The following UTP20 variants were observed in gnomAD, a reference collection of about 807,000 sequenced individuals.
UTP20 encodes UTP20 small subunit processome component, also known as small subunit processome component 20 homolog.
In UTP20, 164 loss-of-function variants were observed where a neutral mutation model predicts 329.5. The observed-to-expected ratio is 0.50, with a 90% CI of 0.44 to 0.57. The LOEUF is 0.57. Ranked by LOEUF, UTP20 falls within the 20% of genes least tolerant of loss-of-function variation. UTP20 has a pLI of 0.00. For synonymous variants in UTP20, 1,151 were observed against 1,159.3 expected (o/e 0.99, Z 0.14); for missense variants, 3,055 against 3,284.2 (o/e 0.93, Z 1.71).
intron 43 of UTP20, among the ~76,000 whole-genome samples, chr12:101,358,541 T>C (rs1181553621): frequency 6.6e-6 from 1 of 152,188 alleles, no homozygotes; most frequent in Non-Finnish European, 1.5e-5. Context: ...CCTTTAGCAA[T>C]GTGGTGGAGC....
In UTP20 at chr12:101,383,669, G is replaced by A. The variant is rs1341213386; in HGVS notation, c.8056G>A (p.Asp2686Asn). Residue 2686 changes from aspartate to asparagine, a missense_variant and splice_region_variant, in exon 60 of 62, where the codon GAT becomes AAT. Around this residue, in one of 3 missense-constraint regions of UTP20, gnomAD observed 337 missense variants for 345.5 expected, o/e 0.98. Transcript: ENST00000261637. ...RELNSTYSEQ[D>N]PLLKNLSQEI... ...ACTCAACAGCACCTATTCAGAGCAA[G>A]GTAACCCTGCCTCGTCTGTTCTCCT... The A allele has an allele frequency of 3.1e-6, 5 of 1,596,042 alleles. No homozygotes were observed. Among genetic ancestry groups the A allele is most frequent in the South Asian group, 1.1e-5 (1 of 88,180 alleles).
At chr12:101,312,426 T>G in intron 21 of UTP20, 150 bp downstream of exon 21, 1 of 1,226,550 alleles carries the variant, frequency 8.2e-7, no homozygotes, top group Non-Finnish European at 1.1e-6. Context: ...ATTTTTTGTT[T>G]GTTTGTTTTT....
At chr12:101,370,905 T>C (rs1265248141) in intron 50 of UTP20, among the ~76,000 whole-genome samples, 153 bp from the exon 51 acceptor site, 1 of 152,240 alleles carries the variant, frequency 6.6e-6, no homozygotes, top group Non-Finnish European at 1.5e-5. Flanking sequence ...TTAAGGGTTG[T>C]GTGTTCTTTG....
intron 2 of UTP20, among the ~76,000 whole-genome samples, chr12:101,285,123 G>T (rs1247756709): frequency 1.3e-5 from 2 of 152,020 alleles, no homozygotes; most frequent in Non-Finnish European, 2.9e-5. Flanking sequence ...TTACTTAAAG[G>T]CTTGCAAACT....
At chr12:101,294,429 C>T (rs1872277887) in intron 11 of UTP20, among the ~76,000 whole-genome samples, 1 of 152,128 alleles carries the variant, frequency 6.6e-6, no homozygotes, top group Non-Finnish European at 1.5e-5. Context: ...ACCTCTCATG[C>T]TCCCAATAGA....
chr12:101,336,810 G>A (rs1868947721), intron 29 of UTP20, among the ~76,000 whole-genome samples: 2 of 152,198 alleles, frequency 1.3e-5, no homozygotes, highest in African/African-American at 4.8e-5. Context: ...CTGAGTGATT[G>A]GAATTGCTGA....
chr12:101,324,840 C>T (rs1868502057), intron 25 of UTP20, among the ~76,000 whole-genome samples: 1 of 151,950 alleles, frequency 6.6e-6, no homozygotes, highest in Non-Finnish European at 1.5e-5. Flanking sequence ...CAAATCATTC[C>T]TTTTTTGTAG....
rs1339409026 is a variant in UTP20 at position 101,372,982 on chromosome 12, C to T, written c.6878+19C>T. 13 of 1,605,644 alleles carry T rather than the reference C, an allele frequency of 8.1e-6. No individual in the cohort carries two copies. Among genetic ancestry groups the T allele is most frequent in the Non-Finnish European group, 1.0e-5 (12 of 1,172,332 alleles). ...AACTGAAGTAAGCTTAAGCTATTAACTACACAGGGGCGGAGGGTAGTTTCT... is the reference window on the plus strand; with the variant it reads ...AACTGAAGTAAGCTTAAGCTATTAATTACACAGGGGCGGAGGGTAGTTTCT... On this transcript the variant is annotated intron_variant, in intron 52 of 61. Transcript: ENST00000261637.
At chr12:101,281,527 T>C (rs899235252) in intron 2 of UTP20, among the ~76,000 whole-genome samples, 2 of 152,192 alleles carry the variant, frequency 1.3e-5, no homozygotes, top group Non-Finnish European at 2.9e-5. Context: ...CTTTCCCTTA[T>C]GCATTCCAAG....
At chr12:101,308,108 T>C in intron 17 of UTP20, 77 bp from the exon 18 acceptor site, 1 of 1,304,028 alleles carries the variant, frequency 7.7e-7, no homozygotes, top group Non-Finnish European at 1.0e-6. Flanking sequence ...TTTTTAGACC[T>C]TTGGTCACAT....
chr12:101,337,444 G>T (rs924775603), intron 29 of UTP20, among the ~76,000 whole-genome samples: 1 of 152,172 alleles, frequency 6.6e-6, no homozygotes, highest in African/African-American at 2.4e-5. Flanking sequence ...GAAAGCCTTT[G>T]TCTCTCTGCC....
chr12:101,372,099 A>G (rs1870312643), intron 51 of UTP20, among the ~76,000 whole-genome samples: 1 of 152,232 alleles, frequency 6.6e-6, no homozygotes, highest in Non-Finnish European at 1.5e-5. Flanking sequence ...GCTGCTATTA[A>G]GCACTAGCTG....
chr12:101,335,228 T>A (rs1868896980), intron 29 of UTP20, among the ~76,000 whole-genome samples: 1 of 150,852 alleles, frequency 6.6e-6, no homozygotes, highest in Non-Finnish European at 1.5e-5. Flanking sequence ...TAAAATAACA[T>A]CTTGCAAAGT....
chr12:101,346,615 G>C (rs1869334464), intron 38 of UTP20, 27 bp downstream of exon 38: 5 of 1,552,880 alleles, frequency 3.2e-6, no homozygotes, highest in Non-Finnish European at 4.3e-6. Context: ...AGAAACCAAG[G>C]ACCCTCTTCC....
At chr12:101,350,211 G>A (rs1869471466) in intron 38 of UTP20, among the ~76,000 whole-genome samples, 1 of 152,088 alleles carries the variant, frequency 6.6e-6, no homozygotes, top group Admixed American at 6.5e-5. Context: ...CTGTCTCCCA[G>A]GCTGGAGTGC....
intron 2 of UTP20, among the ~76,000 whole-genome samples, chr12:101,282,799 G>C (rs1035561626): frequency 2.0e-5 from 3 of 152,294 alleles, no homozygotes; most frequent in South Asian, 2.1e-4. Context: ...GTGAGGATTT[G>C]ACTGTTATCT....
At chr12:101,370,612 C>G in intron 50 of UTP20, 49 bp downstream of exon 50, 2 of 1,576,234 alleles carry the variant, frequency 1.3e-6, no homozygotes, top group Non-Finnish European at 1.7e-6. Context: ...AGTTTCACAG[C>G]AGATATTTTG....
At chr12:101,356,802 T>C (rs1338171684) in intron 42 of UTP20, 109 bp downstream of exon 42, 1 of 1,488,028 alleles carries the variant, frequency 6.7e-7, no homozygotes, top group African/African-American at 1.4e-5. Context: ...TGTCATAACT[T>C]GCTGTGGTTT....
At chr12:101,343,456 C>A (rs561679988) in intron 35 of UTP20, among the ~76,000 whole-genome samples, 1 of 152,248 alleles carries the variant, frequency 6.6e-6, no homozygotes, top group African/African-American at 2.4e-5. Flanking sequence ...TGAAAATGTT[C>A]TGGAATTAGT....
Sources: gnomAD v4.1 joint callset for allele counts (sites outside exome capture counted in the v4.1 genomes callset) on GRCh38, gnomAD v4.1.1 for gene constraint, gnomAD v4.1.1 regional missense constraint, MANE v1.5 for transcripts, NCBI Gene and HGNC (gene_info 2026-07-23, HGNC 2026-07-21) for gene names.